Variants in CWC22 observed in about 807,000 individuals in gnomAD.
The protein encoded by CWC22 is pre-mRNA-splicing factor CWC22 homolog.
Under a neutral mutation model 117.2 loss-of-function variants are expected in CWC22, and 53 were observed. The observed-to-expected ratio is 0.45, with a 90% CI of 0.36 to 0.57. The LOEUF (loss-of-function observed/expected upper bound fraction) is 0.57, where lower values mean the gene tolerates loss of function less well. CWC22 is among the 20% of genes least tolerant of loss of function. The pLI is 0.00. For missense variants in CWC22, 980 were observed against 1,068.8 expected (o/e 0.92, Z 1.16); for synonymous variants, 360 against 355.6 (o/e 1.01, Z -0.14).
At chr2:179,964,206 A>G (rs2105520942) in intron 13 of CWC22, among the ~76,000 whole-genome samples, 1 of 152,368 alleles carries the variant, frequency 6.6e-6, no homozygotes, top group East Asian at 1.9e-4. Context: ...AATGTTAAAT[A>G]TTACATTTTC....
intron 4 of CWC22, among the ~76,000 whole-genome samples, chr2:179,984,319 G>A (rs1280453948): frequency 1.3e-5 from 2 of 152,040 alleles, no homozygotes; most frequent in African/African-American, 4.8e-5. Context: ...AGTTTTAACA[G>A]TATTTGGGAA....
chr2:179,952,371 C>T (rs1686472616), intron 17 of CWC22, 100 bp downstream of exon 17: 1 of 748,572 alleles, frequency 1.3e-6, no homozygotes, highest in African/African-American at 1.8e-5. Flanking sequence ...TCTCAGGGGG[C>T]TTAGCTCTTG....
At position 179,970,992 on chromosome 2, in the gene CWC22, G is replaced by A. The variant is rs1265354355; in HGVS notation, c.889C>T (p.Leu297Phe). 3 of 1,612,814 alleles carry A rather than the reference G, an allele frequency of 1.9e-6. No homozygotes were observed. Among genetic ancestry groups the A allele is most frequent in the Non-Finnish European group, 2.5e-6 (3 of 1,179,096 alleles). ...DDSVEVAIGFLKECGLKLTQV... is the reference protein window; with the variant it reads ...DDSVEVAIGFFKECGLKLTQV... ...GTTAATTTGAGGCCACATTCCTTAA[G>A]AAAACCAATAGCTACTTCAACGCTA... The change falls in exon 9 of 20, where the codon CTT (leucine) becomes TTT (phenylalanine). Residue 297 changes from leucine to phenylalanine, a missense_variant. This residue lies in a region of CWC22 where 559 missense variants were observed against 602.3 expected (regional missense o/e 0.93). Coordinates refer to ENST00000410053, the MANE Select transcript of CWC22 (RefSeq NM_020943.3).
At position 179,971,062 on chromosome 2, in the gene CWC22, T is replaced by C. The variant is rs1481383735; in HGVS notation, c.819A>G (p.Leu273=). The stretch of plus-strand genomic sequence containing the variant: ...GGAGCAAAGTGAGCATCTCTAAGCA[T>C]AATACTTCGTGTGCCTTAAATAAAA... ...LINQNVAHEV[L]CLEMLTLLLE... The change falls in exon 9 of 20, where the codon TTA becomes TTG. Residue 273 remains leucine (L), a synonymous_variant. Transcript: ENST00000410053. 1.4e-5 allele frequency: 22 copies of C among 1,588,366 alleles called. No individual in the cohort carries two copies. Among genetic ancestry groups the C allele is most frequent in the Non-Finnish European group, 1.9e-5 (22 of 1,166,330 alleles).
At chr2:180,000,461 C>T (rs952617804) in intron 1 of CWC22, among the ~76,000 whole-genome samples, 2 of 152,188 alleles carry the variant, frequency 1.3e-5, no homozygotes, top group Non-Finnish European at 2.9e-5. Context: ...GAGGATGTTA[C>T]TCCAGACCCC....
At chr2:179,982,029 G>C (rs770993448) in intron 4 of CWC22, 32 bp from the exon 5 acceptor site, 24 of 1,231,528 alleles carry the variant, frequency 1.9e-5, no homozygotes, top group Non-Finnish European at 2.7e-5. Context: ...GAGCAGAAAA[G>C]ACAATATAAA....
intron 4 of CWC22, among the ~76,000 whole-genome samples, chr2:179,985,377 C>T (rs2105545529): frequency 6.6e-6 from 1 of 152,158 alleles, no homozygotes; most frequent in African/African-American, 2.4e-5. Context: ...GTTAACATCT[C>T]TTCCCTATAT....
chr2:179,971,483 A>G (rs1488401209), intron 8 of CWC22, among the ~76,000 whole-genome samples: 1 of 152,176 alleles, frequency 6.6e-6, no homozygotes, highest in Non-Finnish European at 1.5e-5. Context: ...ACCCTTCTCC[A>G]TGATCACAAT....
At chr2:179,951,253 T>C (rs1686441317) in intron 17 of CWC22, among the ~76,000 whole-genome samples, 1 of 151,998 alleles carries the variant, frequency 6.6e-6, no homozygotes, top group Admixed American at 6.6e-5. Context: ...TACACACACG[T>C]ATATATAGTG....
At chr2:179,946,274 ACC>A (rs528593511) in intron 19 of CWC22, among the ~76,000 whole-genome samples, 2 of 151,462 alleles carry the variant, frequency 1.3e-5, no homozygotes, top group East Asian at 3.9e-4. Context: ...ACGTAGCGAA[ACC>A]CCTTCTCTAC....
At chr2:179,993,214 T>C in intron 2 of CWC22, 101 bp downstream of exon 2, 2 of 886,764 alleles carry the variant, frequency 2.3e-6, no homozygotes, top group African/African-American at 1.7e-5. Flanking sequence ...GCCATTCTAC[T>C]GTCTGGCTCT....
At chr2:179,987,948 G>T (rs1043677260) in intron 3 of CWC22, among the ~76,000 whole-genome samples, 25 of 152,132 alleles carry the variant, frequency 1.6e-4, no homozygotes, top group Non-Finnish European at 2.6e-4. Flanking sequence ...GATGTTAGGG[G>T]GTGAGGGGAT....
At chr2:179,955,420 T>A in intron 14 of CWC22, among the ~76,000 whole-genome samples, 1 of 151,998 alleles carries the variant, frequency 6.6e-6, no homozygotes, top group Admixed American at 6.6e-5. Context: ...ACAATTCAGT[T>A]ACATATGTCC....
intron 2 of CWC22, among the ~76,000 whole-genome samples, chr2:179,991,399 A>C (rs1687563477): frequency 6.6e-6 from 1 of 152,206 alleles, no homozygotes; most frequent in Non-Finnish European, 1.5e-5. Flanking sequence ...AATCAGCATC[A>C]ACCCAGCTAG....
intron 16 of CWC22, among the ~76,000 whole-genome samples, chr2:179,953,301 T>C (rs961548984): frequency 2.0e-5 from 3 of 152,128 alleles, no homozygotes; most frequent in African/African-American, 4.8e-5. Context: ...ATCTAACCAA[T>C]GTTTTTAAGT....
chr2:179,962,937 A>C (rs1559288021), intron 13 of CWC22, among the ~76,000 whole-genome samples: 1 of 152,150 alleles, frequency 6.6e-6, no homozygotes, highest in Non-Finnish European at 1.5e-5. Flanking sequence ...ATTATAAATA[A>C]AAATTAACTA....
At chr2:179,976,674 AAAG>A (rs1453330948) in intron 6 of CWC22, among the ~76,000 whole-genome samples, 4 of 152,222 alleles carry the variant, frequency 2.6e-5, no homozygotes, top group Admixed American at 6.5e-5. Context: ...ACCAATTATC[AAAG>A]AAATACAAAT....
At chr2:179,990,307 AGGT>A (rs1687527621) in intron 2 of CWC22, among the ~76,000 whole-genome samples, 1 of 152,210 alleles carries the variant, frequency 6.6e-6, no homozygotes, top group Non-Finnish European at 1.5e-5. Context: ...TAAAGATCTT[AGGT>A]CAAATACAAA....
At chr2:179,984,572 G>A (rs1030175988) in intron 4 of CWC22, among the ~76,000 whole-genome samples, 24 of 151,936 alleles carry the variant, frequency 1.6e-4, no homozygotes, top group African/African-American at 5.8e-4. Flanking sequence ...TGGTAGTAAA[G>A]GGGTGGATAA....
Sources: gnomAD v4.1 joint callset for allele counts (sites outside exome capture counted in the v4.1 genomes callset) on GRCh38, gnomAD v4.1.1 for gene constraint, gnomAD v4.1.1 regional missense constraint, MANE v1.5 for transcripts, NCBI Gene and HGNC (gene_info 2026-07-23, HGNC 2026-07-21) for gene names.